The following ITGB3 variants were observed in gnomAD, a reference collection of about 807,000 sequenced individuals.
ITGB3 encodes the protein integrin beta-3.
Under a neutral mutation model 85.8 loss-of-function variants are expected in ITGB3, and 48 were observed. The observed-to-expected ratio is 0.56, with a 90% CI of 0.44 to 0.71. The LOEUF is 0.71. ITGB3 is among the 30% of genes least tolerant of loss of function. The probability of loss-of-function intolerance (pLI) is 0.00; values close to 1 mark genes in which losing one functional copy is unlikely to be tolerated. For synonymous variants in ITGB3, 363 were observed against 395.6 expected, an observed-to-expected ratio of 0.92 and a Z score of 0.98; for missense variants, 861 against 1,019.1, an observed-to-expected ratio of 0.84 and a Z score of 2.11.
chr17:47,294,356 G>A (rs1318626018), intron 10 of ITGB3, among the ~76,000 whole-genome samples: 1 of 152,246 alleles, frequency 6.6e-6, no homozygotes, highest in Non-Finnish European at 1.5e-5. Context: ...GGACCACGGG[G>A]GCACCCCCAG....
intron 14 of ITGB3, among the ~76,000 whole-genome samples, chr17:47,309,268 G>T (rs1177332471): frequency 1.3e-5 from 2 of 151,868 alleles, no homozygotes; most frequent in Non-Finnish European, 2.9e-5. Context: ...ACCCAGGCTG[G>T]TCTAGAACTC....
At chr17:47,270,350 G>A (rs2065040116) in intron 1 of ITGB3, among the ~76,000 whole-genome samples, 1 of 152,196 alleles carries the variant, frequency 6.6e-6, no homozygotes, top group African/African-American at 2.4e-5. Context: ...ACTCCAGAAA[G>A]GGAGGGAGAT....
At chr17:47,289,827 C>T in intron 7 of ITGB3, 51 bp downstream of exon 7, 2 of 1,275,858 alleles carry the variant, frequency 1.6e-6, no homozygotes, top group South Asian at 1.2e-5. Context: ...GGTGGGTGCC[C>T]CAGGTAGCCA....
intron 12 of ITGB3, among the ~76,000 whole-genome samples, chr17:47,301,323 C>T (rs2065166609): frequency 1.3e-5 from 2 of 152,080 alleles, no homozygotes; most frequent in African/African-American, 4.8e-5. Flanking sequence ...AGCAATCTCC[C>T]ATGAAGGCAG....
chr17:47,284,430 T>A lies in ITGB3; in HGVS notation c.362-13T>A. On this transcript the variant is annotated splice_polypyrimidine_tract_variant and intron_variant, in intron 3 of 14. Transcript: ENST00000559488. ...GAGAAGAAGATAAAAACTAACATCT[T>A]TCTGCCTTCCAGATGATTCGAAGAA... 3 of 1,614,146 alleles carry A rather than the reference T, an allele frequency of 1.9e-6. No homozygotes were observed. In the South Asian group the frequency reaches 3.3e-5, roughly 18 times the overall value.
intron 10 of ITGB3, among the ~76,000 whole-genome samples, chr17:47,297,673 C>T (rs911234418): frequency 6.6e-6 from 1 of 151,372 alleles, no homozygotes; most frequent in African/African-American, 2.4e-5. Context: ...AAGAACTTGG[C>T]ACAAGCCCAC....
Position 47,274,364 on chromosome 17 carries a change from C to T in ITGB3, c.80-55C>T. 3 of 1,502,684 alleles carry T rather than the reference C, an allele frequency of 2.0e-6. No homozygotes were observed. The South Asian group carries it at 3.4e-5, about 17-fold the overall frequency. The allele number at this position is 1,502,684 out of a possible 1,614,324, so 93.1% of individuals were successfully genotyped here. On this transcript the variant is annotated intron_variant, in intron 1 of 14. Transcript: ENST00000559488. ...GGAAAGTTGGGAAGGATGAGGCAGG[C>T]AAGTACCTTCACTGAGCCAAATCTG...
At chr17:47,286,021 A>G (rs2065101134) in intron 4 of ITGB3, among the ~76,000 whole-genome samples, 1 of 152,180 alleles carries the variant, frequency 6.6e-6, no homozygotes, top group South Asian at 2.1e-4. Flanking sequence ...ATCTAAGCTC[A>G]GGGAGTCTTG....
intron 1 of ITGB3, among the ~76,000 whole-genome samples, chr17:47,256,263 C>T (rs893969276): frequency 1.3e-5 from 2 of 151,884 alleles, no homozygotes; most frequent in Non-Finnish European, 2.9e-5. Flanking sequence ...CCCAGGAGTT[C>T]GAGACCAGCT....
chr17:47,300,514 C>T lies in ITGB3; in HGVS notation c.1950C>T (p.Ala650=). 1 of 1,614,078 alleles carries T rather than the reference C, an allele frequency of 6.2e-7. No homozygotes were observed. The highest frequency in any genetic ancestry group is 8.5e-7 in the Non-Finnish European group (1 of 1,179,996). ...AGTGTAAGAAGTTTGACCGGGGAGCCCTACATGACGAAAATACCTGCAACC... is the reference window on the plus strand; with the variant it reads ...AGTGTAAGAAGTTTGACCGGGGAGCTCTACATGACGAAAATACCTGCAACC... ...CVECKKFDRG[A]LHDENTCNRY... Residue 650 remains alanine, a synonymous_variant, in exon 12 of 15, where the codon GCC becomes GCT. Coordinates refer to ENST00000559488, the MANE Select transcript of ITGB3 (RefSeq NM_000212.3).
chr17:47,282,437 G>A lies in ITGB3; in HGVS notation c.166-917G>A, dbSNP rs989275277. On this transcript the variant is annotated intron_variant, in intron 2 of 14. Transcript: ENST00000559488. ...CTACTATTCTACTTTTTGACTCTAT[G>A]ATTTTGATTGCTGTTAAGTACTGAA... 3.9e-5 allele frequency among the ~76,000 whole-genome samples: 6 copies of A among 152,130 alleles called. No homozygotes were observed. The East Asian group carries it at 9.6e-4, about 24-fold the overall frequency.
intron 1 of ITGB3, chr17:47,259,299 T>C (rs2065000984): frequency 1.2e-5 from 1 of 85,252 alleles, no homozygotes; most frequent in African/African-American, 4.7e-5. Flanking sequence ...GTAGCATCTC[T>C]GAAAAAACAA....
chr17:47,295,776 G>T (rs11650022), intron 10 of ITGB3, among the ~76,000 whole-genome samples: 2 of 138,320 alleles, frequency 1.4e-5, no homozygotes, highest in Admixed American at 7.2e-5. Flanking sequence ...GCCGGGGGGC[G>T]GGTGGGGGGG....
At position 47,312,220 on chromosome 17, in the gene ITGB3, G is replaced by T. The variant is rs1175596232; in HGVS notation, c.*2016G>T. On this transcript the variant is annotated 3_prime_UTR_variant, in exon 15 of 15. Transcript: ENST00000559488. Reference sequence around the variant, plus strand: ...TAGTTATTATTTCTTTCTTCACTTTGCACACATTTGCATCCACATATTAGG... The same window carrying T: ...TAGTTATTATTTCTTTCTTCACTTTTCACACATTTGCATCCACATATTAGG... Among the ~76,000 whole-genome samples, 1 of 152,106 alleles carries T rather than the reference G, an allele frequency of 6.6e-6. No individual in the cohort carries two copies. The highest frequency in any genetic ancestry group is 2.4e-5 in the African/African-American group (1 of 41,402).
chr17:47,277,340 A>T (rs2065067596), intron 2 of ITGB3, among the ~76,000 whole-genome samples: 1 of 152,202 alleles, frequency 6.6e-6, no homozygotes, highest in South Asian at 2.1e-4. Flanking sequence ...ATGGATATTT[A>T]TGATAGCAAG....
Position 47,310,475 on chromosome 17 carries a change from C to T in ITGB3, c.*271C>T. Reference sequence around the variant, plus strand: ...GCTCCTTAGCCTTTGTCCCAGAATGCCTCCTGCAGGGATTCTTCCTGCTTA... The same window carrying T: ...GCTCCTTAGCCTTTGTCCCAGAATGTCTCCTGCAGGGATTCTTCCTGCTTA... On this transcript the variant is annotated 3_prime_UTR_variant, in exon 15 of 15. Transcript: ENST00000559488. 2 of 528,326 alleles carry T rather than the reference C, an allele frequency of 3.8e-6. No individual in the cohort carries two copies. Among genetic ancestry groups the T allele is most frequent in the South Asian group, 1.9e-5 (1 of 52,460 alleles). The allele number at this position is 528,326 out of a possible 1,614,324, so 32.7% of individuals were successfully genotyped here.
In ITGB3 at chr17:47,283,426, A is replaced by G. The variant is rs1183650785; in HGVS notation, c.238A>G (p.Ile80Val). ...LLKDNCAPES[I>V]EFPVSEARVL... ...GAAGGATAACTGTGCCCCAGAATCCATCGAGTTCCCAGTGAGTGAGGCCCG... is the reference window on the plus strand; with the variant it reads ...GAAGGATAACTGTGCCCCAGAATCCGTCGAGTTCCCAGTGAGTGAGGCCCG... The change falls in exon 3 of 15, where the codon ATC (isoleucine) becomes GTC (valine). Residue 80 changes from isoleucine to valine, a missense_variant. Physicochemically the swap from Ile to Val is conservative, Grantham distance 29. Transcript: ENST00000559488. 3 of 1,614,222 alleles carry G rather than the reference A, an allele frequency of 1.9e-6. No homozygotes were observed. Among genetic ancestry groups the G allele is most frequent in the South Asian group, 1.1e-5 (1 of 91,082 alleles).
At chr17:47,274,636 A>G in intron 2 of ITGB3, 132 bp downstream of exon 2, 2 of 776,956 alleles carry the variant, frequency 2.6e-6, no homozygotes, top group South Asian at 1.4e-5. Context: ...ACTTTGATGA[A>G]TTTTTCCCAT....
Position 47,298,151 on chromosome 17 carries a change from G to A in ITGB3, c.1691-1157G>A, listed in dbSNP as rs566507655. On this transcript the variant is annotated intron_variant, in intron 10 of 14. Coordinates refer to ENST00000559488, the MANE Select transcript of ITGB3 (RefSeq NM_000212.3). Reference sequence around the variant, plus strand: ...ATTAATTAAAAAAATGTTGAATTGTGGCAAACATTTCTCCACCTGTTGAGT... The same window carrying A: ...ATTAATTAAAAAAATGTTGAATTGTAGCAAACATTTCTCCACCTGTTGAGT... 2.0e-5 allele frequency among the ~76,000 whole-genome samples: 3 copies of A among 152,246 alleles called. No individual in the cohort carries two copies. In the South Asian group the frequency reaches 6.2e-4, roughly 32 times the overall value.
Sources: gnomAD v4.1 joint callset for allele counts (sites outside exome capture counted in the v4.1 genomes callset) on GRCh38, gnomAD v4.1.1 for gene constraint, MANE v1.5 for transcripts, NCBI Gene and HGNC (gene_info 2026-07-23, HGNC 2026-07-21) for gene names.